Variants in DPRX observed in about 807,000 individuals in gnomAD.
DPRX encodes the protein divergent-paired related homeobox.
DPRX carries 11 observed loss-of-function variants against 8.4 expected under a neutral mutation model. That is an observed-to-expected ratio of 1.31 (90% CI 0.82 to 2.17). DPRX has a LOEUF of 2.17. DPRX is among the 30% of genes most tolerant of loss of function. The pLI is 0.00. For synonymous variants in DPRX, 72 were observed against 87.0 expected (o/e 0.83, Z 0.96); for missense variants, 211 against 236.7 (o/e 0.89, Z 0.71).
At chr19:53,618,581 G>C in the DPRX span, among the ~76,000 whole-genome samples, 1 of 137,976 alleles carries the variant, frequency 7.2e-6, no homozygotes, top group South Asian at 2.3e-4. Flanking sequence ...GGAGTTGGGA[G>C]ACCAGTCTGG....
At chr19:53,621,785 A>G in the DPRX span, among the ~76,000 whole-genome samples, 1 of 152,048 alleles carries the variant, frequency 6.6e-6, no homozygotes, top group African/African-American at 2.4e-5. Context: ...CTCTGTTCCA[A>G]AAAAAAACAA....
At chr19:53,615,069 T>C in the DPRX span, among the ~76,000 whole-genome samples, 1 of 152,114 alleles carries the variant, frequency 6.6e-6, no homozygotes, top group Non-Finnish European at 1.5e-5. Context: ...ATTTTTTTTT[T>C]AGACGGATTC....
At chr19:53,603,315 G>A in the DPRX span, 2 of 455,330 alleles carry the variant, frequency 4.4e-6, no homozygotes, top group Admixed American at 2.4e-5. Flanking sequence ...CATGCTATCA[G>A]GTTCAAAACA....
chr19:53,604,828 G>A, the DPRX span, among the ~76,000 whole-genome samples: 2 of 148,464 alleles, frequency 1.3e-5, no homozygotes, highest in Non-Finnish European at 3.0e-5. Flanking sequence ...GGGCTACAGA[G>A]CGAGACTCTG....
At chr19:53,627,237 C>G (rs191857641), upstream of DPRX, among the ~76,000 whole-genome samples, 1 of 152,056 alleles carries the variant, frequency 6.6e-6, no homozygotes, top group Admixed American at 6.6e-5. Flanking sequence ...AAAACCACCA[C>G]TAAGACTTGT....
chr19:53,632,128 C>T lies in DPRX; in HGVS notation c.22C>T (p.Arg8Cys), dbSNP rs148896232. The T allele has an allele frequency of 3.2e-5, 51 of 1,613,850 alleles. No individual in the cohort carries two copies. The African/African-American group carries it at 4.1e-4, about 13-fold the overall frequency. Residue 8 changes from arginine (R) to cysteine (C), a missense_variant, in exon 1 of 3, where the codon CGT becomes TGT. By Grantham distance (180) the Arg-to-Cys change is radical. Coordinates refer to ENST00000376650, the Ensembl canonical transcript of DPRX. ...GAAGATGCCAGGCTCAGAGGATCTT[C>T]GTAAAGGTAAGCCAGAAAAAATGAG... is the stretch of plus-strand genomic sequence containing the variant.
chr19:53,620,111 C>G, the DPRX span, among the ~76,000 whole-genome samples: 1 of 152,088 alleles, frequency 6.6e-6, no homozygotes, highest in Non-Finnish European at 1.5e-5. Context: ...GCTCTGTCCC[C>G]CAGGCTAGAG....
the DPRX span, among the ~76,000 whole-genome samples, chr19:53,612,580 G>A: frequency 2.2e-4 from 33 of 151,988 alleles, no homozygotes; most frequent in Non-Finnish European, 4.0e-4. Context: ...GCTGGCAGGC[G>A]CCTGTAATCC....
the DPRX span, among the ~76,000 whole-genome samples, chr19:53,619,854 CA>C: frequency 0.29 from 31,775 of 110,754 alleles, 3,799 homozygotes; most frequent in East Asian, 0.54. Context: ...GACTCTATCT[CA>C]AAAAAAAAAA....
chr19:53,601,233 A>G, the DPRX span: 1 of 455,958 alleles, frequency 2.2e-6, no homozygotes, highest in South Asian at 1.5e-5. Context: ...CAGACACCCA[A>G]GAGGCCTCTT....
the DPRX span, among the ~76,000 whole-genome samples, chr19:53,602,342 G>A: frequency 2.7e-5 from 4 of 149,336 alleles, no homozygotes; most frequent in East Asian, 2.0e-4. Flanking sequence ...CTACAGGCAC[G>A]TGTCAGCACA....
chr19:53,630,577 C>A (rs1052286761), upstream of DPRX, among the ~76,000 whole-genome samples: 23 of 151,764 alleles, frequency 1.5e-4, no homozygotes, highest in Non-Finnish European at 5.9e-5. Context: ...GTAGGAGGAT[C>A]ACTTGAGCCC....
chr19:53,630,265 A>T (rs60552541), upstream of DPRX, among the ~76,000 whole-genome samples: 2,875 of 151,660 alleles, frequency 0.019, 89 homozygotes, highest in African/African-American at 0.066. Flanking sequence ...CAGCTTGTGA[A>T]TTGCCCTCCA....
chr19:53,609,159 ATGGTAT>A, the DPRX span, among the ~76,000 whole-genome samples: 25 of 151,654 alleles, frequency 1.6e-4, no homozygotes, highest in Admixed American at 1.3e-4. Flanking sequence ...CCAAAACAAC[ATGGTAT>A]TGGTATAAAA....
At chr19:53,624,901 C>T in the DPRX span, among the ~76,000 whole-genome samples, 1 of 150,880 alleles carries the variant, frequency 6.6e-6, no homozygotes, top group Non-Finnish European at 1.5e-5. Context: ...CAGATGAGAT[C>T]GGGCGTGTTC....
the DPRX span, among the ~76,000 whole-genome samples, chr19:53,626,545 C>T: frequency 1.3e-5 from 2 of 152,098 alleles, no homozygotes; most frequent in Non-Finnish European, 2.9e-5. Flanking sequence ...CAGAGGGAGA[C>T]TCTATCTCCA....
chr19:53,617,031 C>T, the DPRX span: 1 of 1,219,528 alleles, frequency 8.2e-7, no homozygotes, highest in Non-Finnish European at 1.2e-6. Flanking sequence ...CTTTCTTGGC[C>T]TACAGAGTAA....
In DPRX at chr19:53,634,698, T is replaced by TC. The variant is rs781651262; in HGVS notation, c.183+16dup. 4 of 1,607,016 alleles carry TC rather than the reference T, an allele frequency of 2.5e-6. No homozygotes were observed. The highest frequency in any genetic ancestry group is 3.4e-6 in the Non-Finnish European group (4 of 1,177,820). ...AACAGTACTGCAGGTTGGAAAATGA[T>TC]CCCTCTTCTCACTAAACTGCCTTCC... On this transcript the variant is annotated intron_variant, in intron 2 of 2. Transcript: ENST00000376650.
At chr19:53,607,296 C>T in the DPRX span, among the ~76,000 whole-genome samples, 1 of 152,196 alleles carries the variant, frequency 6.6e-6, no homozygotes, top group Non-Finnish European at 1.5e-5. Context: ...CAATGGCTCA[C>T]GCCTATAATC....
Sources: gnomAD v4.1 joint callset for allele counts (sites outside exome capture counted in the v4.1 genomes callset) on GRCh38, gnomAD v4.1.1 for gene constraint, MANE v1.5 for transcripts, NCBI Gene and HGNC (gene_info 2026-07-23, HGNC 2026-07-21) for gene names.